ATP8A2: variants seen among roughly 807,000 people sequenced by gnomAD.
ATP8A2 encodes ATPase phospholipid transporting 8A2, also known as phospholipid-transporting ATPase IB.
In ATP8A2, 100 loss-of-function variants were observed where a neutral mutation model predicts 165.6. The ratio of observed to expected loss-of-function variants is 0.60; its 90% confidence interval spans 0.51 to 0.71. The LOEUF is 0.71. Among genes scored for constraint, ATP8A2 ranks in the 30% least tolerant of loss-of-function variants. ATP8A2 has a pLI of 0.00. For synonymous variants in ATP8A2, 543 were observed against 548.8 expected (o/e 0.99, Z 0.15); for missense variants, 1,227 against 1,479.5 (o/e 0.83, Z 2.80).
intron 2 of ATP8A2, among the ~76,000 whole-genome samples, chr13:25,522,903 C>T (rs1221444836): frequency 1.3e-5 from 2 of 152,076 alleles, no homozygotes; most frequent in African/African-American, 4.8e-5. Context: ...TTGGGTGAAT[C>T]ACTTGAGATC....
intron 31 of ATP8A2, 75 bp from the exon 32 acceptor site, chr13:25,860,729 G>C (rs558511009): frequency 8.4e-7 from 1 of 1,186,200 alleles, no homozygotes; most frequent in Non-Finnish European, 1.2e-6. Context: ...GGAGTGGAGA[G>C]ATGGGATTTC....
chr13:25,529,935 C>T (rs866580894), intron 2 of ATP8A2, 64 bp from the exon 3 acceptor site: 5 of 893,590 alleles, frequency 5.6e-6, no homozygotes, highest in Middle Eastern at 2.3e-4. Flanking sequence ...AACTTCTTGT[C>T]CTGTTCTTGT....
chr13:25,845,507 T>G (rs1241039176), intron 30 of ATP8A2, among the ~76,000 whole-genome samples: 1 of 152,190 alleles, frequency 6.6e-6, no homozygotes, highest in Non-Finnish European at 1.5e-5. Context: ...CCTCACCGTT[T>G]AAGGAGAATA....
intron 24 of ATP8A2, among the ~76,000 whole-genome samples, chr13:25,661,125 T>C (rs1356203709): frequency 6.6e-6 from 1 of 152,152 alleles, no homozygotes; most frequent in Non-Finnish European, 1.5e-5. Flanking sequence ...GTATTTAGAT[T>C]CCTCTATTGG....
chr13:25,887,901 CT>C (rs1953210148), intron 33 of ATP8A2, among the ~76,000 whole-genome samples: 2 of 152,086 alleles, frequency 1.3e-5, no homozygotes, highest in Admixed American at 1.3e-4. Context: ...CAATGGAATA[CT>C]TTTGAATAAA....
intron 36 of ATP8A2, 72 bp from the exon 37 acceptor site, chr13:26,019,815 CA>C: frequency 9.2e-7 from 1 of 1,091,510 alleles, no homozygotes; most frequent in Non-Finnish European, 1.4e-6. Context: ...CAAAAAAAAG[CA>C]GCTTATTTTA....
intron 35 of ATP8A2, among the ~76,000 whole-genome samples, chr13:25,984,597 CAAAAA>C (rs11314872): frequency 1.5e-5 from 2 of 136,188 alleles, no homozygotes; most frequent in South Asian, 4.8e-4. Flanking sequence ...GACTTTGTCT[CAAAAA>C]AAAAAAAACA....
In ATP8A2 at chr13:25,740,304, A is replaced by T. The variant is rs1448312168; in HGVS notation, c.2385-28742A>T. 1.2e-4 allele frequency among the ~76,000 whole-genome samples: 16 copies of T among 137,566 alleles called. No homozygotes were observed. In the South Asian group the frequency reaches 1.9e-3, roughly 16 times the overall value. 90.2% of individuals were successfully genotyped at this position (137,566 alleles called of 152,430 possible). ...AGCCTGGGGGACAGAGCAAGGCTCT[A>T]TCTCAAAAAAAAAAAAAAAAAAAAA... On this transcript the variant is annotated intron_variant, in intron 25 of 36. Coordinates refer to ENST00000381655, the MANE Select transcript of ATP8A2 (RefSeq NM_016529.6).
chr13:25,569,117 G>A (rs1030444819), intron 16 of ATP8A2, among the ~76,000 whole-genome samples: 8 of 152,104 alleles, frequency 5.3e-5, no homozygotes, highest in African/African-American at 1.9e-4. Context: ...TTCAGGATTG[G>A]AAAATTCTCA....
intron 1 of ATP8A2, among the ~76,000 whole-genome samples, chr13:25,413,799 T>A (rs898564612): frequency 8.5e-5 from 13 of 152,196 alleles, no homozygotes; most frequent in Admixed American, 4.6e-4. Flanking sequence ...GCCAAAGACC[T>A]TGTCATCATT....
intron 33 of ATP8A2, among the ~76,000 whole-genome samples, chr13:25,889,895 G>A (rs1953303607): frequency 6.6e-6 from 1 of 152,028 alleles, no homozygotes; most frequent in South Asian, 2.1e-4. Context: ...GGGCGCGGTG[G>A]TTCACGCCTG....
At chr13:25,695,159 A>G (rs1302131793) in intron 24 of ATP8A2, among the ~76,000 whole-genome samples, 2 of 151,180 alleles carry the variant, frequency 1.3e-5, no homozygotes, top group Non-Finnish European at 2.9e-5. Context: ...TTTCCAGTGC[A>G]TATAAAAGTT....
At chr13:25,741,006 G>T (rs142398342) in intron 25 of ATP8A2, among the ~76,000 whole-genome samples, 9 of 152,040 alleles carry the variant, frequency 5.9e-5, no homozygotes, top group Non-Finnish European at 1.2e-4. Flanking sequence ...ATATGGCTAC[G>T]GTATTATAGA....
intron 25 of ATP8A2, among the ~76,000 whole-genome samples, chr13:25,717,296 T>C (rs1314018999): frequency 6.6e-6 from 1 of 152,016 alleles, no homozygotes; most frequent in Non-Finnish European, 1.5e-5. Flanking sequence ...AAGAAGGAGC[T>C]ATTGAGAATG....
chr13:25,942,831 T>C (rs1252798171), intron 33 of ATP8A2, among the ~76,000 whole-genome samples: 1 of 152,236 alleles, frequency 6.6e-6, no homozygotes, highest in Non-Finnish European at 1.5e-5. Flanking sequence ...GTTGAATGCT[T>C]TTCACTGTGA....
intron 24 of ATP8A2, among the ~76,000 whole-genome samples, chr13:25,599,937 A>T (rs2040338528): frequency 6.6e-6 from 1 of 152,216 alleles, no homozygotes; most frequent in South Asian, 2.1e-4. Flanking sequence ...ACCACTTCTG[A>T]TACCAACTAT....
intron 7 of ATP8A2, among the ~76,000 whole-genome samples, chr13:25,539,628 A>C (rs17082446): frequency 0.012 from 1,823 of 152,326 alleles, 16 homozygotes; most frequent in Non-Finnish European, 0.022. Flanking sequence ...AAGGCCATAT[A>C]GCCCATAAAG....
chr13:25,741,203 C>CT (rs1460369307), intron 25 of ATP8A2, among the ~76,000 whole-genome samples: 5 of 152,122 alleles, frequency 3.3e-5, no homozygotes, highest in African/African-American at 1.2e-4. Context: ...TTGATGAGCA[C>CT]TGGATATAAG....
intron 33 of ATP8A2, among the ~76,000 whole-genome samples, chr13:25,946,907 C>A (rs2139128954): frequency 6.6e-6 from 1 of 152,244 alleles, no homozygotes; most frequent in Admixed American, 6.5e-5. Context: ...ACCACCACGC[C>A]TGGCCAGTTT....
Sources: allele counts gnomAD v4.1 joint callset (sites outside exome capture counted in the v4.1 genomes callset), GRCh38; gene constraint gnomAD v4.1.1; transcripts MANE v1.5; gene names NCBI Gene and HGNC (gene_info 2026-07-23, HGNC 2026-07-21).